MYO10: variants seen among roughly 807,000 people sequenced by gnomAD.
MYO10 encodes myosin X, also known as unconventional myosin-X.
A neutral mutation model predicts 257.3 loss-of-function variants in MYO10; 133 were observed. That is an observed-to-expected ratio of 0.52 (90% CI 0.45 to 0.60). The LOEUF is 0.60. Among genes scored for constraint, MYO10 ranks in the 20% least tolerant of loss-of-function variants. The pLI is 0.00. For missense variants in MYO10, 2,399 were observed against 2,635.7 expected, an observed-to-expected ratio of 0.91 and a Z score of 1.97; for synonymous variants, 1,104 against 1,028.6, an observed-to-expected ratio of 1.07 and a Z score of -1.40.
chr5:16,898,631 A>G (rs961361730), intron 1 of MYO10, among the ~76,000 whole-genome samples: 2 of 150,908 alleles, frequency 1.3e-5, no homozygotes, highest in Non-Finnish European at 1.5e-5. Context: ...CTGGTCTCGA[A>G]CTCCTGACCT....
At chr5:16,800,101 A>G (rs539820788) in intron 3 of MYO10, among the ~76,000 whole-genome samples, 5 of 152,340 alleles carry the variant, frequency 3.3e-5, no homozygotes, top group African/African-American at 1.2e-4. Context: ...GATGTTAATC[A>G]TGGCCAATGA....
intron 24 of MYO10, among the ~76,000 whole-genome samples, chr5:16,702,283 T>C (rs539926452): frequency 1.8e-3 from 267 of 152,330 alleles, no homozygotes; most frequent in African/African-American, 6.1e-3. Context: ...GGTATTTGGC[T>C]GTGGTGGGCC....
intron 1 of MYO10, among the ~76,000 whole-genome samples, chr5:16,885,762 G>A (rs559735298): frequency 6.1e-4 from 93 of 152,160 alleles, no homozygotes; most frequent in African/African-American, 1.9e-3. Flanking sequence ...GCGCTAACGC[G>A]AGCCACAAGG....
chr5:16,887,623 TG>T lies in MYO10; in HGVS notation c.22-9917del, dbSNP rs1322168497. Among the ~76,000 whole-genome samples the T allele has an allele frequency of 3.3e-4, 50 of 152,324 alleles. 1 individual carries two copies. Among genetic ancestry groups the T allele is most frequent in the African/African-American group, 1.2e-3 (50 of 41,574 alleles). ...CTCCTACCTCAGCCTCCCAAGTAGC[TG>T]GGGCTACAGGTGCGCACCACCACAC... On this transcript the variant is annotated intron_variant, in intron 1 of 40. Coordinates refer to ENST00000513610, the MANE Select transcript of MYO10 (RefSeq NM_012334.3).
At chr5:16,895,632 C>T (rs1296490874) in intron 1 of MYO10, among the ~76,000 whole-genome samples, 3 of 151,976 alleles carry the variant, frequency 2.0e-5, no homozygotes, top group Non-Finnish European at 4.4e-5. Context: ...GACACTGAGA[C>T]ACCCAAAGGA....
At chr5:16,852,692 C>T (rs886338648) in intron 2 of MYO10, among the ~76,000 whole-genome samples, 1 of 151,868 alleles carries the variant, frequency 6.6e-6, no homozygotes, top group African/African-American at 2.4e-5. Context: ...CCTCTTTTCT[C>T]CCTATTCTTC....
chr5:16,777,838 A>T (rs1233523012), intron 9 of MYO10, among the ~76,000 whole-genome samples: 1 of 94,958 alleles, frequency 1.1e-5, no homozygotes, highest in African/African-American at 5.5e-5. Context: ...ATTGCATCTA[A>T]CTTTTTTTTT....
chr5:16,902,435 C>T (rs911131161), intron 1 of MYO10: 9 of 1,234,650 alleles, frequency 7.3e-6, no homozygotes, highest in Non-Finnish European at 1.1e-5. Context: ...AATGTAACTT[C>T]ACATACAGCT....
intron 3 of MYO10, among the ~76,000 whole-genome samples, chr5:16,802,501 A>G (rs925620880): frequency 3.3e-5 from 5 of 151,872 alleles, no homozygotes; most frequent in Admixed American, 6.6e-5. Flanking sequence ...TACTAAAAAT[A>G]CAAAAATTAG....
rs1006070949 is a variant in MYO10, at chr5:16,666,046, T to G, written c.*646A>C. The stretch of plus-strand genomic sequence containing the variant: ...TACACATCCTTTTTCCCTTTGCTTT[T>G]TAATGCTCATGAAACCATGATTAAA... On this transcript the variant is annotated 3_prime_UTR_variant, in exon 41 of 41. Transcript: ENST00000513610. 3.3e-5 allele frequency: 5 copies of G among 152,716 alleles called. No homozygotes were observed. The highest frequency in any genetic ancestry group is 1.2e-4 in the African/African-American group (5 of 41,472). The allele number at this position is 152,716 out of a possible 1,614,324, so 9.5% of individuals were successfully genotyped here.
rs1211853136 is a variant in MYO10, at chr5:16,674,989, G to A, written c.4828C>T (p.Leu1610Phe). 1 of 1,613,914 alleles carries A rather than the reference G, an allele frequency of 6.2e-7. No individual in the cohort carries two copies. Among genetic ancestry groups the A allele is most frequent in the Non-Finnish European group, 8.5e-7 (1 of 1,179,916 alleles). The change falls in exon 35 of 41, where the codon CTT becomes TTT. Residue 1610 changes from leucine to phenylalanine, a missense_variant. By Grantham distance (22) the Leu-to-Phe change is conservative. Transcript: ENST00000513610. ...GGCACTTTGTTGGTCTGTTTGATAA[G>A]CTGGCAGTACAGCTCGTCCCGCAGA... ...RPLRDELYCQLIKQTNKVPHP... is the reference protein window; with the variant it reads ...RPLRDELYCQFIKQTNKVPHP...
chr5:16,719,989 C>CGTGTGTGTGTGT (rs10526050), intron 19 of MYO10, among the ~76,000 whole-genome samples: 176 of 143,540 alleles, frequency 1.2e-3, no homozygotes, highest in East Asian at 0.011. Context: ...TGTGTGCGTG[C>CGTGTGTGTGTGT]GTGTGTGTGT....
At chr5:16,750,228 G>A (rs1244456877) in intron 19 of MYO10, among the ~76,000 whole-genome samples, 2 of 152,104 alleles carry the variant, frequency 1.3e-5, no homozygotes, top group Non-Finnish European at 2.9e-5. Flanking sequence ...CTCGCTGAGC[G>A]CCAGTGAGGC....
intron 1 of MYO10, chr5:16,916,490 G>A (rs1417750813): frequency 1.7e-5 from 3 of 173,436 alleles, no homozygotes; most frequent in East Asian, 3.0e-4. Context: ...AAGAGGAGAG[G>A]AGAAGCATGG....
At chr5:16,862,175 GAACTGT>G (rs1744124978) in intron 2 of MYO10, among the ~76,000 whole-genome samples, 1 of 152,200 alleles carries the variant, frequency 6.6e-6, no homozygotes, top group South Asian at 2.1e-4. Flanking sequence ...CCTAATGTCA[GAACTGT>G]GGCACCCTGG....
intron 19 of MYO10, chr5:16,738,316 T>G (rs1739886065): frequency 1.0e-6 from 1 of 984,196 alleles, no homozygotes; most frequent in African/African-American, 1.8e-5. Context: ...GGAGCAGGGG[T>G]GGGGATTAAG....
At chr5:16,833,725 A>C (rs1389537310) in intron 2 of MYO10, among the ~76,000 whole-genome samples, 1 of 152,176 alleles carries the variant, frequency 6.6e-6, no homozygotes, top group Non-Finnish European at 1.5e-5. Context: ...GAGCAATCTT[A>C]ACTTGTTCCA....
intron 3 of MYO10, among the ~76,000 whole-genome samples, chr5:16,804,616 T>A (rs555667399): frequency 6.6e-6 from 1 of 152,318 alleles, no homozygotes; most frequent in East Asian, 1.9e-4. Context: ...CTCCGGCCTG[T>A]AATCCCAGCA....
At chr5:16,774,598 T>G (rs1042184325) in intron 9 of MYO10, among the ~76,000 whole-genome samples, 2 of 151,978 alleles carry the variant, frequency 1.3e-5, no homozygotes, top group Admixed American at 1.3e-4. Context: ...ATTTTGTGTA[T>G]TTTTAGTAGA....
Sources: gnomAD v4.1 joint callset for allele counts (sites outside exome capture counted in the v4.1 genomes callset) on GRCh38, gnomAD v4.1.1 for gene constraint, MANE v1.5 for transcripts, NCBI Gene and HGNC (gene_info 2026-07-23, HGNC 2026-07-21) for gene names.